The following CACNA2D1 variants were observed in gnomAD, a reference collection of about 807,000 sequenced individuals.
CACNA2D1 encodes the protein calcium voltage-gated channel auxiliary subunit alpha2delta 1.
A neutral mutation model predicts 171.5 loss-of-function variants in CACNA2D1; 53 were observed. The observed-to-expected ratio is 0.31, with a 90% CI of 0.25 to 0.39. The LOEUF is 0.39. CACNA2D1 is among the 10% of genes least tolerant of loss of function. The probability of loss-of-function intolerance (pLI) is 1.00; values close to 1 mark genes in which losing one functional copy is unlikely to be tolerated. For missense variants in CACNA2D1, 903 were observed against 1,299.8 expected (o/e 0.69, Z 4.69); for synonymous variants, 442 against 443.1 (o/e 1.00, Z 0.03).
At chr7:82,400,260 G>T (rs1034853523) in intron 1 of CACNA2D1, among the ~76,000 whole-genome samples, 25 of 151,474 alleles carry the variant, frequency 1.7e-4, no homozygotes, top group African/African-American at 6.1e-4. Context: ...TAGCTTGATG[G>T]GGATGGCATT....
chr7:82,306,780 C>A (rs949700663), intron 3 of CACNA2D1, among the ~76,000 whole-genome samples: 28 of 150,918 alleles, frequency 1.9e-4, no homozygotes, highest in African/African-American at 6.6e-4. Flanking sequence ...TAGCTTGAGT[C>A]ATTAATAGAA....
chr7:82,284,188 CAA>C (rs200601228), intron 3 of CACNA2D1, among the ~76,000 whole-genome samples: 4 of 88,438 alleles, frequency 4.5e-5, no homozygotes. Flanking sequence ...GAGCCTTCTC[CAA>C]AAAAAAAAAG....
At position 81,959,138 on chromosome 7, in the gene CACNA2D1, C is replaced by G. The variant is rs977384325; in HGVS notation, c.3159+137G>C. On this transcript the variant is annotated intron_variant, in intron 38 of 38. Coordinates refer to ENST00000356860, the MANE Select transcript of CACNA2D1 (RefSeq NM_000722.4). The stretch of plus-strand genomic sequence containing the variant: ...TACTGAAATGAAAAAAATCTACCAG[C>G]AAGTATGTCATGTTAATGAGAAAAA... 7 of 686,510 alleles carry G rather than the reference C, an allele frequency of 1.0e-5. No individual in the cohort carries two copies. The African/African-American group carries it at 1.2e-4, about 12-fold the overall frequency. 42.5% of individuals were successfully genotyped at this position (686,510 alleles called of 1,614,324 possible). A position where few individuals can be genotyped will look rare whatever the true frequency, so the allele number is the denominator to read the frequency against.
At chr7:81,953,383 C>T (rs747904500) in intron 38 of CACNA2D1, among the ~76,000 whole-genome samples, 8 of 152,042 alleles carry the variant, frequency 5.3e-5, no homozygotes, top group Non-Finnish European at 7.4e-5. Flanking sequence ...GCTGTCTCAT[C>T]TTCCCACCTT....
At chr7:82,002,036 AAAAAAAAGAG>A (rs970220111) in intron 18 of CACNA2D1, among the ~76,000 whole-genome samples, 10 of 150,542 alleles carry the variant, frequency 6.6e-5, no homozygotes, top group African/African-American at 2.4e-4. Context: ...AAAAAAAAAA[AAAAAAAAGAG>A]AGAGAGAGAG....
At chr7:82,407,813 T>A (rs1243377881) in intron 1 of CACNA2D1, among the ~76,000 whole-genome samples, 1 of 152,086 alleles carries the variant, frequency 6.6e-6, no homozygotes, top group African/African-American at 2.4e-5. Flanking sequence ...GAACAAATAA[T>A]CATTTCTATT....
At chr7:82,007,082 A>C (rs1485116142) in intron 16 of CACNA2D1, among the ~76,000 whole-genome samples, 4 of 152,150 alleles carry the variant, frequency 2.6e-5, no homozygotes, top group Non-Finnish European at 5.9e-5. Context: ...GTACAAGATA[A>C]ATAATTTTTA....
chr7:82,349,354 C>G (rs932384893), intron 2 of CACNA2D1, among the ~76,000 whole-genome samples: 3 of 152,142 alleles, frequency 2.0e-5, no homozygotes, highest in Non-Finnish European at 4.4e-5. Context: ...GTATCAACTG[C>G]AAAGTGTGCT....
chr7:82,031,493 A>G (rs1052434300), intron 12 of CACNA2D1, among the ~76,000 whole-genome samples: 3 of 152,086 alleles, frequency 2.0e-5, no homozygotes, highest in East Asian at 3.9e-4. Flanking sequence ...CCTCTATGCT[A>G]TTAAAATCAC....
chr7:82,152,051 C>G (rs1243267687), intron 4 of CACNA2D1, among the ~76,000 whole-genome samples: 3 of 151,850 alleles, frequency 2.0e-5, no homozygotes, highest in Admixed American at 2.0e-4. Context: ...GAAAGCAGAT[C>G]AAGTGAGATT....
chr7:82,267,312 T>C (rs1180792035), intron 3 of CACNA2D1, among the ~76,000 whole-genome samples: 1 of 152,162 alleles, frequency 6.6e-6, no homozygotes, highest in African/African-American at 2.4e-5. Context: ...ATTTTGCCCA[T>C]TTTTCTTCAG....
chr7:82,375,680 T>C (rs888715615), intron 1 of CACNA2D1, among the ~76,000 whole-genome samples: 2 of 152,214 alleles, frequency 1.3e-5, no homozygotes, highest in Non-Finnish European at 1.5e-5. Context: ...TATTTTCTCC[T>C]CCATAAAGAA....
At chr7:82,367,667 T>C (rs1229145338) in intron 1 of CACNA2D1, among the ~76,000 whole-genome samples, 2 of 152,088 alleles carry the variant, frequency 1.3e-5, no homozygotes, top group African/African-American at 4.8e-5. Flanking sequence ...AATAGTTGCC[T>C]AGATAAATAT....
intron 29 of CACNA2D1, among the ~76,000 whole-genome samples, chr7:81,968,332 T>C (rs1794921576): frequency 6.6e-6 from 1 of 151,522 alleles, no homozygotes; most frequent in Non-Finnish European, 1.5e-5. Flanking sequence ...CGATCCTCAT[T>C]AATGCTCACT....
At chr7:82,411,965 C>A (rs1442349567) in intron 1 of CACNA2D1, among the ~76,000 whole-genome samples, 3 of 151,818 alleles carry the variant, frequency 2.0e-5, no homozygotes, top group African/African-American at 7.3e-5. Context: ...AAAAAACCCT[C>A]TTTCATAGTT....
chr7:81,973,598 A>G (rs1030706111), intron 25 of CACNA2D1, among the ~76,000 whole-genome samples: 1 of 152,034 alleles, frequency 6.6e-6, no homozygotes, highest in African/African-American at 2.4e-5. Context: ...GAGGGAGAAG[A>G]GAACAAAGAG....
chr7:82,350,858 A>G (rs1819778483), intron 1 of CACNA2D1, among the ~76,000 whole-genome samples: 1 of 152,214 alleles, frequency 6.6e-6, no homozygotes, highest in Non-Finnish European at 1.5e-5. Context: ...CGAAGGATTG[A>G]TCTTTTTCAG....
intron 3 of CACNA2D1, among the ~76,000 whole-genome samples, chr7:82,330,237 T>C (rs1261546122): frequency 6.6e-6 from 1 of 152,016 alleles, no homozygotes; most frequent in Non-Finnish European, 1.5e-5. Context: ...GTCAAACATA[T>C]AAACAAAAAC....
chr7:82,074,410 T>C (rs1408577776), intron 7 of CACNA2D1, among the ~76,000 whole-genome samples: 3 of 152,090 alleles, frequency 2.0e-5, no homozygotes, highest in Admixed American at 1.3e-4. Context: ...GTATTTTTAG[T>C]AGAGATGAGG....
Sources: gnomAD v4.1 joint callset for allele counts (sites outside exome capture counted in the v4.1 genomes callset) on GRCh38, gnomAD v4.1.1 for gene constraint, MANE v1.5 for transcripts, NCBI Gene and HGNC (gene_info 2026-07-23, HGNC 2026-07-21) for gene names.